Variants in DIP2C observed in about 807,000 individuals in gnomAD.
DIP2C encodes the protein disco-interacting protein 2 homolog C.
Under a neutral mutation model 192.4 loss-of-function variants are expected in DIP2C, and 33 were observed. The observed-to-expected ratio is 0.17, with a 90% CI of 0.13 to 0.23. DIP2C has a LOEUF of 0.23. DIP2C is among the 10% of genes least tolerant of loss of function. The pLI, the probability that DIP2C is intolerant of heterozygous loss-of-function variation, is 1.00. For synonymous variants in DIP2C, 979 were observed against 864.1 expected, an observed-to-expected ratio of 1.13 and a Z score of -2.33; for missense variants, 1,537 against 2,110.1, an observed-to-expected ratio of 0.73 and a Z score of 5.32.
intron 1 of DIP2C, among the ~76,000 whole-genome samples, chr10:585,572 A>G (rs1474231736): frequency 1.3e-5 from 2 of 152,156 alleles, no homozygotes; most frequent in African/African-American, 2.4e-5. Flanking sequence ...GGGGCGAGTG[A>G]AATGATCCTG....
In DIP2C at chr10:347,549, G is replaced by A. The variant is rs1207004353; in HGVS notation, c.3231+1092C>T. On this transcript the variant is annotated intron_variant, in intron 26 of 36. Transcript: ENST00000280886. The stretch of plus-strand genomic sequence containing the variant: ...CACGCACCCAACCCAGACACATCGC[G>A]CATAGCTCTCCCGGAAACCCCACAC... 3.7e-5 allele frequency among the ~76,000 whole-genome samples: 5 copies of A among 134,482 alleles called. 1 individual carries two copies. The highest frequency in any genetic ancestry group is 2.5e-4 in the South Asian group (1 of 3,940). The allele number at this position is 134,482 out of a possible 152,430, so 88.2% of individuals were successfully genotyped here.
intron 1 of DIP2C, among the ~76,000 whole-genome samples, chr10:589,607 G>T (rs570724998): frequency 6.6e-6 from 1 of 152,140 alleles, no homozygotes; most frequent in Non-Finnish European, 1.5e-5. Flanking sequence ...GCATCTTTGG[G>T]TCTTCTGGAC....
At chr10:304,949 C>T (rs571208658) in intron 32 of DIP2C, among the ~76,000 whole-genome samples, 12 of 152,282 alleles carry the variant, frequency 7.9e-5, no homozygotes, top group South Asian at 6.2e-4. Context: ...TGCACACACA[C>T]GACACGTGCA....
At chr10:368,665 G>C (rs1386879341) in intron 18 of DIP2C, among the ~76,000 whole-genome samples, 3 of 152,214 alleles carry the variant, frequency 2.0e-5, no homozygotes, top group Non-Finnish European at 4.4e-5. Flanking sequence ...CATGGGGCGA[G>C]GGTCCCTGCT....
rs537579760 is a variant in DIP2C, at chr10:653,118, A to T, written c.85+36376T>A. Reference sequence around the variant, plus strand: ...TGAGGGGTGACGTCTGTACTGCCTTAAAAAAAAAAAAAGCAGATATTCAAT... The same window carrying T: ...TGAGGGGTGACGTCTGTACTGCCTTTAAAAAAAAAAAAGCAGATATTCAAT... On this transcript the variant is annotated intron_variant, in intron 1 of 36. Transcript: ENST00000280886. Among the ~76,000 whole-genome samples the T allele has an allele frequency of 1.8e-4, 25 of 142,742 alleles. No individual in the cohort carries two copies. In the East Asian group the frequency reaches 4.8e-3, roughly 28 times the overall value. The allele number at this position is 142,742 out of a possible 152,430, so 93.6% of individuals were successfully genotyped here.
intron 29 of DIP2C, among the ~76,000 whole-genome samples, chr10:331,817 T>C (rs1050575303): frequency 6.6e-6 from 1 of 152,228 alleles, no homozygotes; most frequent in African/African-American, 2.4e-5. Context: ...GGGGTGAATA[T>C]CAGGCCTCGA....
chr10:573,460 C>CGGCAGG (rs1849950885), intron 1 of DIP2C, among the ~76,000 whole-genome samples: 1 of 152,204 alleles, frequency 6.6e-6, no homozygotes, highest in African/African-American at 2.4e-5. Flanking sequence ...CAAGGCTTGA[C>CGGCAGG]GGCAGGGGCG....
chr10:593,860 G>A (rs1160098911), intron 1 of DIP2C, among the ~76,000 whole-genome samples: 1 of 152,202 alleles, frequency 6.6e-6, no homozygotes, highest in Non-Finnish European at 1.5e-5. Context: ...CACCCTGGCA[G>A]GTAAAGGGGA....
At chr10:550,461 G>A (rs929959567) in intron 1 of DIP2C, among the ~76,000 whole-genome samples, 3 of 152,190 alleles carry the variant, frequency 2.0e-5, no homozygotes, top group Admixed American at 2.0e-4. Context: ...AGGATCTATG[G>A]ACAAAGTGGC....
At chr10:450,567 G>T (rs372554719) in intron 3 of DIP2C, among the ~76,000 whole-genome samples, 96 of 152,268 alleles carry the variant, frequency 6.3e-4, no homozygotes, top group African/African-American at 2.3e-3. Context: ...CTTCTGAAAG[G>T]CCACTGGGAC....
chr10:297,241 TACACACACACACACACAC>T (rs140637166), intron 32 of DIP2C, among the ~76,000 whole-genome samples: 4 of 115,550 alleles, frequency 3.5e-5, no homozygotes, highest in Admixed American at 9.4e-5. Context: ...CCCCACCACA[TACACACACACACACACAC>T]ACACACACAC....
At chr10:358,144 G>GT (rs901761352) in intron 22 of DIP2C, among the ~76,000 whole-genome samples, 8 of 152,106 alleles carry the variant, frequency 5.3e-5, no homozygotes, top group African/African-American at 1.7e-4. Context: ...CAGAAACGAT[G>GT]TTTTTATCAT....
At position 682,679 on chromosome 10, in the gene DIP2C, T is replaced by C. The variant is rs193168151; in HGVS notation, c.85+6815A>G. Among the ~76,000 whole-genome samples, 957 of 152,314 alleles carry C rather than the reference T, an allele frequency of 6.3e-3. 7 individuals are homozygous for C. Among genetic ancestry groups the C allele is most frequent in the Non-Finnish European group, 8.3e-3 (565 of 68,026 alleles). ...GGGATATGTTTACAGATACATTTTT[T>C]ATTTTTTAATTTTTAATGGTATATT... On this transcript the variant is annotated intron_variant, in intron 1 of 36. Transcript: ENST00000280886.
At chr10:415,395 C>G (rs145503540) in intron 7 of DIP2C, among the ~76,000 whole-genome samples, 56 of 152,274 alleles carry the variant, frequency 3.7e-4, no homozygotes, top group Middle Eastern at 6.8e-3. Flanking sequence ...GGAGAGGCAG[C>G]AGGAGGAGGG....
intron 1 of DIP2C, among the ~76,000 whole-genome samples, chr10:487,594 T>G (rs1844118885): frequency 7.3e-6 from 1 of 136,842 alleles, no homozygotes; most frequent in East Asian, 2.3e-4. Context: ...TTTTTTTTTT[T>G]TTTGAGACAG....
chr10:418,413 G>A (rs190473479), intron 6 of DIP2C, among the ~76,000 whole-genome samples: 17 of 151,680 alleles, frequency 1.1e-4, no homozygotes, highest in Non-Finnish European at 2.2e-4. Flanking sequence ...GCTCCATGCA[G>A]CTTCACACAA....
In DIP2C at chr10:601,653, A is replaced by C. The variant is rs528233382; in HGVS notation, c.85+87841T>G. Among the ~76,000 whole-genome samples, 45 of 152,344 alleles carry C rather than the reference A, an allele frequency of 3.0e-4. No homozygotes were observed. In the East Asian group the frequency reaches 7.7e-3, roughly 26 times the overall value. ...GGAAGGCAACAAAGTCTACCCCGTA[A>C]GCAGAACTGCACCACGAAGGACCAT... On this transcript the variant is annotated intron_variant, in intron 1 of 36. Coordinates refer to ENST00000280886, the MANE Select transcript of DIP2C (RefSeq NM_014974.3).
chr10:306,314 CAG>C (rs982359262), intron 32 of DIP2C, among the ~76,000 whole-genome samples: 4 of 151,950 alleles, frequency 2.6e-5, no homozygotes, highest in Admixed American at 6.6e-5. Flanking sequence ...GCATCAGAAA[CAG>C]GGGCAGAAAA....
chr10:460,526 GATTA>G (rs1353305824), intron 3 of DIP2C, among the ~76,000 whole-genome samples: 3 of 152,194 alleles, frequency 2.0e-5, no homozygotes, highest in Non-Finnish European at 2.9e-5. Context: ...TGGCTGAGTA[GATTA>G]ATTATTAACT....
Sources: gnomAD v4.1 joint callset for allele counts (sites outside exome capture counted in the v4.1 genomes callset) on GRCh38, gnomAD v4.1.1 for gene constraint, MANE v1.5 for transcripts, NCBI Gene and HGNC (gene_info 2026-07-23, HGNC 2026-07-21) for gene names.